The following ME1 variants were observed in gnomAD, a reference collection of about 807,000 sequenced individuals.
ME1 encodes the protein malic enzyme 1.
ME1 carries 74 observed loss-of-function variants against 66.4 expected under a neutral mutation model. That is an observed-to-expected ratio of 1.11 (90% CI 0.92 to 1.35). The LOEUF is 1.35. ME1 is among the 40% of genes most tolerant of loss of function. The pLI, the probability that ME1 is intolerant of heterozygous loss-of-function variation, is 0.00. For missense variants in ME1, 750 were observed against 694.1 expected (o/e 1.08, Z -0.90); for synonymous variants, 251 against 235.6 (o/e 1.07, Z -0.60).
intron 5 of ME1, among the ~76,000 whole-genome samples, chr6:83,333,951 G>C (rs1035401721): frequency 2.0e-5 from 3 of 147,662 alleles, no homozygotes; most frequent in East Asian, 1.9e-4. Flanking sequence ...CTCCAAGTCA[G>C]GGGGGGAGGA....
At chr6:83,354,725 G>A (rs939735596) in intron 3 of ME1, among the ~76,000 whole-genome samples, 18 of 152,052 alleles carry the variant, frequency 1.2e-4, no homozygotes, top group Admixed American at 5.9e-4. Context: ...ATCACCCAGC[G>A]TACATGTACA....
intron 3 of ME1, among the ~76,000 whole-genome samples, chr6:83,353,557 G>GT (rs147358945): frequency 2.1e-4 from 31 of 149,078 alleles, no homozygotes; most frequent in East Asian, 9.7e-4. Context: ...TGTTGTTGTT[G>GT]TGTGTGTGTG....
intron 1 of ME1, among the ~76,000 whole-genome samples, chr6:83,428,678 C>T (rs1583431444): frequency 6.6e-6 from 1 of 152,266 alleles, no homozygotes; most frequent in African/African-American, 2.4e-5. Flanking sequence ...GCTGTAGTTT[C>T]AATGGTACAT....
At chr6:83,229,741 C>T (rs1474504125) in intron 9 of ME1, among the ~76,000 whole-genome samples, 2 of 152,180 alleles carry the variant, frequency 1.3e-5, no homozygotes, top group African/African-American at 2.4e-5. Context: ...AAAAACTTAA[C>T]AAATAGTATG....
At chr6:83,297,482 G>A (rs1240634462) in intron 6 of ME1, among the ~76,000 whole-genome samples, 3 of 152,070 alleles carry the variant, frequency 2.0e-5, no homozygotes, top group Admixed American at 6.6e-5. Flanking sequence ...ATGGAACCAC[G>A]AAAAAACCTG....
intron 3 of ME1, among the ~76,000 whole-genome samples, chr6:83,361,400 C>G (rs527762664): frequency 6.6e-6 from 1 of 152,246 alleles, no homozygotes; most frequent in Non-Finnish European, 1.5e-5. Flanking sequence ...GTGTATTACT[C>G]CAGCCCATTT....
intron 1 of ME1, among the ~76,000 whole-genome samples, chr6:83,409,735 C>T (rs139428597): frequency 3.3e-5 from 5 of 152,262 alleles, no homozygotes; most frequent in South Asian, 4.1e-4. Flanking sequence ...GAATCTTCAG[C>T]GCAAGAAGCA....
chr6:83,388,800 C>G (rs2128549493), intron 3 of ME1, among the ~76,000 whole-genome samples: 1 of 152,170 alleles, frequency 6.6e-6, no homozygotes, highest in Non-Finnish European at 1.5e-5. Flanking sequence ...ATTCTGTTTG[C>G]CAAAATCAAA....
Position 83,378,462 on chromosome 6 carries a change from A to AT in ME1, c.362+19904dup, listed in dbSNP as rs528156035. ...TATAAAAGAATTTTCTCTACTTGGT[A>AT]TTTTTTTCTCATATAGACCCTGACA... On this transcript the variant is annotated intron_variant, in intron 3 of 13. Transcript: ENST00000369705. 3.0e-3 allele frequency among the ~76,000 whole-genome samples: 455 copies of AT among 152,178 alleles called. 2 individuals carry two copies. Among genetic ancestry groups the AT allele is most frequent in the South Asian group, 9.8e-3 (47 of 4,810 alleles).
intron 7 of ME1, among the ~76,000 whole-genome samples, chr6:83,253,194 A>G (rs937879426): frequency 2.0e-5 from 3 of 152,192 alleles, no homozygotes; most frequent in Admixed American, 1.3e-4. Context: ...AGACAAAAGC[A>G]GGTAGCCAAG....
chr6:83,232,666 T>A (rs113724190), intron 9 of ME1, among the ~76,000 whole-genome samples: 1 of 152,164 alleles, frequency 6.6e-6, no homozygotes, highest in African/African-American at 2.4e-5. Flanking sequence ...TTAAACCACA[T>A]TGTATGAAAT....
chr6:83,291,814 G>A (rs200632868), intron 6 of ME1, among the ~76,000 whole-genome samples: 31 of 151,902 alleles, frequency 2.0e-4, no homozygotes, highest in Admixed American at 6.5e-4. Flanking sequence ...GGTTTTGTTC[G>A]TTTCTTTTCA....
At chr6:83,315,226 C>G in intron 6 of ME1, 84 bp downstream of exon 6, 1 of 770,804 alleles carries the variant, frequency 1.3e-6, no homozygotes, top group Non-Finnish European at 2.2e-6. Flanking sequence ...AATTATTAAA[C>G]CATATTGCAT....
At chr6:83,300,378 T>G (rs766179723) in intron 6 of ME1, among the ~76,000 whole-genome samples, 2 of 151,920 alleles carry the variant, frequency 1.3e-5, no homozygotes, top group Non-Finnish European at 2.9e-5. Context: ...AAGCAAAAAT[T>G]TATAAATAGG....
intron 9 of ME1, among the ~76,000 whole-genome samples, chr6:83,237,033 G>GT (rs11451018): frequency 0.018 from 2,606 of 145,054 alleles, 55 homozygotes; most frequent in African/African-American, 0.054. Flanking sequence ...AAGCTGTACA[G>GT]TTTTTTTTTT....
intron 2 of ME1, among the ~76,000 whole-genome samples, chr6:83,405,739 T>C (rs1769929222): frequency 6.7e-6 from 1 of 149,400 alleles, no homozygotes; most frequent in Admixed American, 6.7e-5. Flanking sequence ...TTTTTTTTTT[T>C]GAGACGGAGT....
At chr6:83,258,821 G>A (rs558652955) in intron 6 of ME1, among the ~76,000 whole-genome samples, 1 of 152,252 alleles carries the variant, frequency 6.6e-6, no homozygotes, top group East Asian at 1.9e-4. Context: ...CTGAACCACA[G>A]GGCCCAGTGC....
intron 7 of ME1, among the ~76,000 whole-genome samples, chr6:83,242,024 G>A (rs984707659): frequency 2.0e-5 from 3 of 151,998 alleles, no homozygotes; most frequent in Non-Finnish European, 2.9e-5. Flanking sequence ...CACCATGCCT[G>A]GCTAATTTTT....
rs1043170767 is a variant in ME1 at position 83,431,035 on chromosome 6, C to T, written c.-81G>A. On this transcript the variant is annotated 5_prime_UTR_variant, in exon 1 of 14. Transcript: ENST00000369705. ...CAGGCGGCGGATGCTGCTGGGGTGACGGTGCTGACTGCAGCTGTGGCGGCG... is the reference window on the plus strand; with the variant it reads ...CAGGCGGCGGATGCTGCTGGGGTGATGGTGCTGACTGCAGCTGTGGCGGCG... The T allele has an allele frequency of 2.3e-6, 2 of 855,548 alleles. No individual in the cohort carries two copies. Among genetic ancestry groups the T allele is most frequent in the Non-Finnish European group, 3.3e-6 (2 of 608,498 alleles). The allele number at this position is 855,548 out of a possible 1,614,324, so 53.0% of individuals were successfully genotyped here. A position where few individuals can be genotyped will look rare whatever the true frequency, so the allele number is the denominator to read the frequency against.
Sources: gnomAD v4.1 joint callset for allele counts (sites outside exome capture counted in the v4.1 genomes callset) on GRCh38, gnomAD v4.1.1 for gene constraint, MANE v1.5 for transcripts, NCBI Gene and HGNC (gene_info 2026-07-23, HGNC 2026-07-21) for gene names.